Variants in DPYD observed in about 807,000 individuals in gnomAD.
DPYD encodes the protein dihydropyrimidine dehydrogenase [NADP(+)].
In DPYD, 109 loss-of-function variants were observed where a neutral mutation model predicts 116.2. The ratio of observed to expected loss-of-function variants is 0.94; its 90% CI spans 0.80 to 1.10. The LOEUF is 1.10. DPYD is among the 50% of genes least tolerant of loss of function. The pLI, the probability that DPYD is intolerant of heterozygous loss-of-function variation, is 0.00. For missense variants in DPYD, 1,302 were observed against 1,254.5 expected (o/e 1.04, Z -0.57); for synonymous variants, 440 against 432.0 (o/e 1.02, Z -0.23).
intron 18 of DPYD, among the ~76,000 whole-genome samples, chr1:97,251,184 G>T (rs1488186243): frequency 6.6e-6 from 1 of 151,928 alleles, no homozygotes; most frequent in Non-Finnish European, 1.5e-5. Context: ...ATGACCTGAG[G>T]TCAGGAGTTC....
intron 4 of DPYD, among the ~76,000 whole-genome samples, chr1:97,724,356 G>GGAAAC (rs1663114216): frequency 8.7e-6 from 1 of 114,526 alleles, no homozygotes; most frequent in Admixed American, 9.4e-5. Context: ...GTGTGTGTGT[G>GGAAAC]TGTGTGTGTA....
chr1:97,275,213 T>G (rs1172785891), intron 18 of DPYD, among the ~76,000 whole-genome samples: 2 of 152,164 alleles, frequency 1.3e-5, no homozygotes, highest in Non-Finnish European at 2.9e-5. Context: ...TGGAATACCA[T>G]GACTAGGTAA....
chr1:97,342,583 A>G (rs947462853), intron 16 of DPYD, among the ~76,000 whole-genome samples: 2 of 152,216 alleles, frequency 1.3e-5, no homozygotes, highest in African/African-American at 4.8e-5. Context: ...TATGCGTATC[A>G]AAGTCATGTA....
At chr1:97,735,210 G>A (rs1290859873) in intron 4 of DPYD, among the ~76,000 whole-genome samples, 1 of 151,740 alleles carries the variant, frequency 6.6e-6, no homozygotes, top group Non-Finnish European at 1.5e-5. Context: ...CCTCCAATAA[G>A]GCATCAACAC....
chr1:97,459,779 G>A (rs1395390985), intron 13 of DPYD, among the ~76,000 whole-genome samples: 1 of 152,042 alleles, frequency 6.6e-6, no homozygotes, highest in Non-Finnish European at 1.5e-5. Context: ...TAGGATTGAT[G>A]TGAAAAAACA....
intron 8 of DPYD, among the ~76,000 whole-genome samples, chr1:97,635,888 C>T (rs1030790978): frequency 2.0e-5 from 3 of 152,112 alleles, no homozygotes; most frequent in African/African-American, 4.8e-5. Context: ...GGTGTGATCA[C>T]GGCTCACTGC....
intron 20 of DPYD, among the ~76,000 whole-genome samples, chr1:97,152,413 C>T (rs1274728945): frequency 1.3e-5 from 2 of 150,530 alleles, no homozygotes; most frequent in African/African-American, 4.9e-5. Flanking sequence ...GATGCCTCCA[C>T]TTTGTTAGGT....
At chr1:97,165,043 A>G (rs1272988034) in intron 20 of DPYD, among the ~76,000 whole-genome samples, 1 of 152,106 alleles carries the variant, frequency 6.6e-6, no homozygotes, top group Non-Finnish European at 1.5e-5. Flanking sequence ...CTATTAAATT[A>G]TCAATGATAT....
At chr1:97,610,282 T>C (rs1301579393) in intron 8 of DPYD, among the ~76,000 whole-genome samples, 1 of 151,990 alleles carries the variant, frequency 6.6e-6, no homozygotes, top group African/African-American at 2.4e-5. Flanking sequence ...ATAATATTTG[T>C]AACTTGTAAG....
At chr1:97,468,039 G>A (rs954999444) in intron 13 of DPYD, among the ~76,000 whole-genome samples, 26 of 152,056 alleles carry the variant, frequency 1.7e-4, no homozygotes, top group Admixed American at 1.6e-3. Context: ...GAGTTTACAG[G>A]CACTATAATC....
rs545907619 is a variant in DPYD at position 97,282,114 on chromosome 1, G to A, written c.2299+23145C>T. Among the ~76,000 whole-genome samples the A allele has an allele frequency of 2.0e-5, 3 of 152,086 alleles. No homozygotes were observed. In the South Asian group the frequency reaches 6.2e-4, roughly 32 times the overall value. ...TGTTTGATATTAAACCTACACTGAG[G>A]GATGTTGTAAGAGAAAACCCACTGG... On this transcript the variant is annotated intron_variant, in intron 18 of 22. Transcript: ENST00000370192.
intron 20 of DPYD, among the ~76,000 whole-genome samples, chr1:97,172,994 G>A (rs11165798): frequency 0.25 from 38,099 of 151,818 alleles, 4,724 homozygotes; most frequent in Middle Eastern, 0.3. Flanking sequence ...CCATAACTCC[G>A]ATAGCATAAT....
chr1:97,099,359 T>C (rs1249349488), intron 20 of DPYD, among the ~76,000 whole-genome samples: 1 of 152,080 alleles, frequency 6.6e-6, no homozygotes, highest in Non-Finnish European at 1.5e-5. Flanking sequence ...TTCAAGGTTA[T>C]CCAATTGTAC....
At chr1:97,531,489 T>G (rs1649624349) in intron 12 of DPYD, among the ~76,000 whole-genome samples, 1 of 152,308 alleles carries the variant, frequency 6.6e-6, no homozygotes, top group East Asian at 1.9e-4. Context: ...GTTCCAATGC[T>G]CTACATGTTT....
chr1:97,516,840 C>A (rs970530094), intron 12 of DPYD, among the ~76,000 whole-genome samples: 2 of 151,872 alleles, frequency 1.3e-5, no homozygotes, highest in Admixed American at 6.6e-5. Flanking sequence ...CCCTCCCCTT[C>A]TCTCTCTCTA....
At chr1:97,406,253 C>A (rs1040927628) in intron 14 of DPYD, among the ~76,000 whole-genome samples, 1 of 148,294 alleles carries the variant, frequency 6.7e-6, no homozygotes, top group Non-Finnish European at 1.5e-5. Context: ...CTAAGAAGAG[C>A]TGTTGGTTTT....
chr1:97,531,354 T>G (rs1350825592), intron 12 of DPYD, among the ~76,000 whole-genome samples: 1 of 152,190 alleles, frequency 6.6e-6, no homozygotes, highest in Non-Finnish European at 1.5e-5. Context: ...CTTTTCCCAA[T>G]GTAACATTTA....
At chr1:97,670,451 T>A (rs1256482989) in intron 8 of DPYD, among the ~76,000 whole-genome samples, 4 of 152,148 alleles carry the variant, frequency 2.6e-5, no homozygotes, top group Non-Finnish European at 5.9e-5. Context: ...TCTTTCTCTT[T>A]CCATGCGGAT....
At chr1:97,349,152 A>G (rs1045098395) in intron 16 of DPYD, among the ~76,000 whole-genome samples, 11 of 152,146 alleles carry the variant, frequency 7.2e-5, no homozygotes, top group African/African-American at 2.7e-4. Context: ...AGTACGAATA[A>G]TAGTACACTA....
Sources: allele counts gnomAD v4.1 joint callset (sites outside exome capture counted in the v4.1 genomes callset), GRCh38; gene constraint gnomAD v4.1.1; transcripts MANE v1.5; gene names NCBI Gene and HGNC (gene_info 2026-07-23, HGNC 2026-07-21).